The following MAST4 variants were observed in gnomAD, a reference collection of about 807,000 sequenced individuals.
MAST4 encodes microtubule associated serine/threonine kinase family member 4, also known as microtubule-associated serine/threonine-protein kinase 4.
A neutral mutation model predicts 162.7 loss-of-function variants in MAST4; 89 were observed. That is an observed-to-expected ratio of 0.55 (90% CI 0.46 to 0.65). MAST4 has a LOEUF of 0.65. MAST4 is among the 30% of genes least tolerant of loss of function. The probability of loss-of-function intolerance (pLI) is 0.00; values close to 1 mark genes in which losing one functional copy is unlikely to be tolerated. For missense variants in MAST4, 3,153 were observed against 3,374.0 expected, an observed-to-expected ratio of 0.93 and a Z score of 1.62; for synonymous variants, 1,479 against 1,361.1, an observed-to-expected ratio of 1.09 and a Z score of -1.91.
intron 1 of MAST4, among the ~76,000 whole-genome samples, chr5:66,715,470 A>G (rs1322352001): frequency 7.0e-6 from 1 of 142,354 alleles, no homozygotes; most frequent in Non-Finnish European, 1.5e-5. Context: ...ATTTACATGA[A>G]CAAGGCTTTT....
rs535901361 is a variant in MAST4, at chr5:66,714,572, T to C, written c.364-45137T>C. Reference sequence around the variant, plus strand: ...GAATTTTACTTTGGTCCTGTGCTCATACTTGGCGTTTCCTTCTGCTGGCAA... The same window carrying C: ...GAATTTTACTTTGGTCCTGTGCTCACACTTGGCGTTTCCTTCTGCTGGCAA... On this transcript the variant is annotated intron_variant, in intron 1 of 28. Coordinates refer to ENST00000403625, the MANE Select transcript of MAST4 (RefSeq NM_001164664.2). 8.5e-5 allele frequency among the ~76,000 whole-genome samples: 13 copies of C among 152,354 alleles called. No individual in the cohort carries two copies. The South Asian group carries it at 2.7e-3, about 32-fold the overall frequency.
At chr5:66,942,838 A>T (rs1414330263) in intron 4 of MAST4, among the ~76,000 whole-genome samples, 48 of 152,252 alleles carry the variant, frequency 3.2e-4, no homozygotes, top group East Asian at 1.7e-3. Flanking sequence ...ATAACAAAAT[A>T]TATAAGCTGG....
chr5:67,158,233 A>G (rs1158060144), intron 26 of MAST4, among the ~76,000 whole-genome samples: 2 of 152,228 alleles, frequency 1.3e-5, no homozygotes, highest in Non-Finnish European at 2.9e-5. Context: ...CTAGAATGCC[A>G]TCTCTACTAT....
intron 1 of MAST4, among the ~76,000 whole-genome samples, chr5:66,712,933 C>A (rs1580266430): frequency 6.6e-6 from 1 of 152,102 alleles, no homozygotes; most frequent in South Asian, 2.1e-4. Context: ...CATCAAGGAA[C>A]CCAATATAAG....
chr5:66,865,422 AT>A (rs35618940), intron 3 of MAST4, among the ~76,000 whole-genome samples: 80,000 of 152,086 alleles, frequency 0.53, 22,766 homozygotes, highest in Non-Finnish European at 0.64. Flanking sequence ...AATAGTTTTA[AT>A]TTAGCATTTA....
At chr5:67,061,158 C>CTGTGTGTG (rs10538886) in intron 5 of MAST4, among the ~76,000 whole-genome samples, 5 of 151,170 alleles carry the variant, frequency 3.3e-5, no homozygotes, top group Non-Finnish European at 5.9e-5. Flanking sequence ...TGTATGTACT[C>CTGTGTGTG]TGTGTGTGTG....
intron 23 of MAST4, among the ~76,000 whole-genome samples, chr5:67,146,233 C>T (rs964004534): frequency 2.6e-5 from 4 of 152,178 alleles, no homozygotes; most frequent in African/African-American, 9.7e-5. Flanking sequence ...ATGTAACCTT[C>T]CTGACAAGAG....
chr5:66,841,379 T>C (rs1338192978), intron 3 of MAST4, among the ~76,000 whole-genome samples: 4 of 152,176 alleles, frequency 2.6e-5, no homozygotes, highest in African/African-American at 9.6e-5. Context: ...ACAATGACTC[T>C]ACCAATGGTA....
chr5:67,038,407 G>C (rs1221871503), intron 4 of MAST4, among the ~76,000 whole-genome samples: 1 of 152,124 alleles, frequency 6.6e-6, no homozygotes, highest in African/African-American at 2.4e-5. Context: ...CAAACTCCTT[G>C]TAAGCACTTG....
At chr5:66,927,850 G>A (rs996790215) in intron 4 of MAST4, among the ~76,000 whole-genome samples, 11 of 152,168 alleles carry the variant, frequency 7.2e-5, no homozygotes, top group Admixed American at 2.6e-4. Context: ...TTGCAGGTTC[G>A]ATTCCTACTG....
Position 66,740,053 on chromosome 5 carries a change from T to C in MAST4, c.364-19656T>C, listed in dbSNP as rs574917621. On this transcript the variant is annotated intron_variant, in intron 1 of 28. Transcript: ENST00000403625. ...GTGAGAAGTCATCAAGAGGCATAAC[T>C]GCCTGAGGGCTGCTAGGCCTGTGGG... Among the ~76,000 whole-genome samples the C allele has an allele frequency of 3.3e-5, 5 of 152,342 alleles. No individual in the cohort carries two copies. In the East Asian group the frequency reaches 7.7e-4, roughly 24 times the overall value.
intron 14 of MAST4, among the ~76,000 whole-genome samples, chr5:67,128,741 A>G (rs1403260164): frequency 6.6e-6 from 1 of 152,150 alleles, no homozygotes; most frequent in Non-Finnish European, 1.5e-5. Flanking sequence ...GCCCCCTTGC[A>G]GTCATTGTTC....
chr5:66,895,860 T>A (rs1762651713), intron 3 of MAST4, among the ~76,000 whole-genome samples: 1 of 152,212 alleles, frequency 6.6e-6, no homozygotes, highest in Non-Finnish European at 1.5e-5. Context: ...GGAATAATTT[T>A]AAAATTTATA....
At chr5:66,873,190 C>T (rs923599059) in intron 3 of MAST4, among the ~76,000 whole-genome samples, 3 of 152,146 alleles carry the variant, frequency 2.0e-5, no homozygotes, top group Non-Finnish European at 4.4e-5. Flanking sequence ...CACATTCTTT[C>T]CTCCTCAAAA....
chr5:67,058,827 T>A (rs1759191621), intron 5 of MAST4, among the ~76,000 whole-genome samples: 1 of 152,238 alleles, frequency 6.6e-6, no homozygotes, highest in South Asian at 2.1e-4. Context: ...ATAGTGCCTT[T>A]CTAATAAAAA....
intron 4 of MAST4, among the ~76,000 whole-genome samples, chr5:66,909,548 C>G (rs927797931): frequency 1.3e-5 from 2 of 152,182 alleles, no homozygotes; most frequent in South Asian, 2.1e-4. Flanking sequence ...GAACCAATGA[C>G]TCAGAGAATT....
At chr5:66,891,767 A>T (rs978379812) in intron 3 of MAST4, among the ~76,000 whole-genome samples, 5 of 152,228 alleles carry the variant, frequency 3.3e-5, no homozygotes, top group African/African-American at 1.2e-4. Flanking sequence ...TGCAAAAGAA[A>T]GACCAGGCTC....
At position 67,160,951 on chromosome 5, in the gene MAST4, G is replaced by A. The variant is rs74932489; in HGVS notation, c.3785+359G>A. On this transcript the variant is annotated intron_variant, in intron 27 of 28. Transcript: ENST00000403625. ...AATCTACATTTAAAATGTCCTTTACGTTATCAAAAAACAAACAGTTGCTAT... is the reference window on the plus strand; with the variant it reads ...AATCTACATTTAAAATGTCCTTTACATTATCAAAAAACAAACAGTTGCTAT... Among the ~76,000 whole-genome samples, 1,334 of 152,140 alleles carry A rather than the reference G, an allele frequency of 8.8e-3. 22 individuals carry two copies. Among genetic ancestry groups the A allele is most frequent in the African/African-American group, 0.031 (1,283 of 41,490 alleles).
In MAST4 at chr5:67,057,786, T is replaced by C. The variant is rs116485057; in HGVS notation, c.763+3294T>C. On this transcript the variant is annotated intron_variant, in intron 5 of 28. Transcript: ENST00000403625. ...AAGAAATCAAAGTATGAAAAATGTT[T>C]GTGCCCATGACTGATTGCCAGTTTA... Among the ~76,000 whole-genome samples the C allele has an allele frequency of 2.3e-3, 350 of 152,182 alleles. 2 individuals are homozygous for C. The highest frequency in any genetic ancestry group is 8.1e-3 in the African/African-American group (336 of 41,524).
Sources: gnomAD v4.1 joint callset for allele counts (sites outside exome capture counted in the v4.1 genomes callset) on GRCh38, gnomAD v4.1.1 for gene constraint, MANE v1.5 for transcripts, NCBI Gene and HGNC (gene_info 2026-07-23, HGNC 2026-07-21) for gene names.